GDPD1: variants seen among roughly 807,000 people sequenced by gnomAD.
GDPD1 encodes the protein glycerophosphodiester phosphodiesterase domain containing 1, also known as lysophospholipase D GDPD1.
GDPD1 carries 28 observed loss-of-function variants against 45.1 expected under a neutral mutation model. That is an observed-to-expected ratio of 0.62 (90% confidence interval 0.46 to 0.85). The LOEUF (loss-of-function observed/expected upper bound fraction) is 0.85. Ranked by LOEUF, GDPD1 falls within the 40% of genes least tolerant of loss-of-function variation. The pLI is 0.00. For missense variants in GDPD1, 256 were observed against 364.8 expected (o/e 0.70, Z 2.43); for synonymous variants, 139 against 131.4 (o/e 1.06, Z -0.40).
chr17:59,255,771 A>ATATATATATATATACGCGTATATATG (rs2047294946), intron 4 of GDPD1, among the ~76,000 whole-genome samples: 2 of 82,806 alleles, frequency 2.4e-5, no homozygotes, highest in East Asian at 3.1e-4. Flanking sequence ...AAATATATAT[A>ATATATATATATATACGCGTATATATG]TATATATATA....
At chr17:59,239,702 C>T (rs2047160682) in intron 2 of GDPD1, among the ~76,000 whole-genome samples, 1 of 150,988 alleles carries the variant, frequency 6.6e-6, no homozygotes, top group African/African-American at 2.4e-5. Flanking sequence ...CTAAAAATAG[C>T]CAGCATTTCA....
intron 6 of GDPD1, among the ~76,000 whole-genome samples, chr17:59,261,202 G>A (rs2047353023): frequency 6.6e-6 from 1 of 152,160 alleles, no homozygotes; most frequent in Non-Finnish European, 1.5e-5. Context: ...CTGACCTCAA[G>A]TGATCTGCCT....
chr17:59,262,561 G>A (rs2047364820), intron 6 of GDPD1, among the ~76,000 whole-genome samples: 1 of 152,084 alleles, frequency 6.6e-6, no homozygotes, highest in South Asian at 2.1e-4. Context: ...CTTAGGGTAG[G>A]GTAGAGAGTG....
In GDPD1 at chr17:59,234,591, T is replaced by G. The variant is rs188037593; in HGVS notation, c.185+57T>G. Reference sequence around the variant, plus strand: ...TTTCTTTTACAGTTTGCAGGCTTTCTTTAAAGTGATGATGATCCACAAAGT... The same window carrying G: ...TTTCTTTTACAGTTTGCAGGCTTTCGTTAAAGTGATGATGATCCACAAAGT... On this transcript the variant is annotated intron_variant, in intron 2 of 9. Coordinates refer to ENST00000284116, the MANE Select transcript of GDPD1 (RefSeq NM_182569.4). 336 of 1,102,364 alleles carry G rather than the reference T, an allele frequency of 3.0e-4. 3 individuals are homozygous for G. In the African/African-American group the frequency reaches 3.6e-3, roughly 12 times the overall value. The allele number at this position is 1,102,364 out of a possible 1,614,324, so 68.3% of individuals were successfully genotyped here.
At position 59,231,324 on chromosome 17, in the gene GDPD1, C is replaced by CTTT. The variant is rs557850341; in HGVS notation, c.143-3150_143-3148dup. Among the ~76,000 whole-genome samples the CTTT allele has an allele frequency of 6.3e-4, 72 of 114,382 alleles. 2 individuals carry two copies. Among genetic ancestry groups the CTTT allele is most frequent in the African/African-American group, 1.5e-3 (43 of 28,550 alleles). The allele number at this position is 114,382 out of a possible 152,430, so 75.0% of individuals were successfully genotyped here. On this transcript the variant is annotated intron_variant, in intron 1 of 9. Transcript: ENST00000284116. ...AAATATGAAAACATTTTCTTTCTTT[C>CTTT]TTTTTTTTTTTTTTTTTTTTGAGAC...
chr17:59,252,221 T>A (rs1289998231), intron 4 of GDPD1, among the ~76,000 whole-genome samples: 3 of 151,908 alleles, frequency 2.0e-5, no homozygotes, highest in Non-Finnish European at 2.9e-5. Flanking sequence ...CGAAACCCTG[T>A]CTGTACTAAA....
chr17:59,251,465 G>A (rs978448457), intron 4 of GDPD1, among the ~76,000 whole-genome samples: 8 of 151,540 alleles, frequency 5.3e-5, no homozygotes, highest in South Asian at 2.1e-4. Context: ...GTTGCAGTGA[G>A]CTGAGATCAC....
chr17:59,266,910 A>G, intron 6 of GDPD1, 131 bp from the exon 7 acceptor site: 1 of 742,584 alleles, frequency 1.3e-6, no homozygotes, highest in Non-Finnish European at 2.2e-6. Context: ...TTGCAAATGA[A>G]TATTCATAAT....
At chr17:59,225,910 T>A (rs1750108706) in intron 1 of GDPD1, among the ~76,000 whole-genome samples, 2 of 151,768 alleles carry the variant, frequency 1.3e-5, no homozygotes, top group Admixed American at 1.3e-4. Context: ...TTAGTAGAGA[T>A]GGGGTTCACC....
rs1176390251 is a variant in GDPD1 at position 59,268,578 on chromosome 17, C to CAAAA, written c.710+1425_710+1428dup. 1.0e-2 allele frequency among the ~76,000 whole-genome samples: 353 copies of CAAAA among 35,304 alleles called. 46 individuals are homozygous for CAAAA. The highest frequency in any genetic ancestry group is 0.019 in the African/African-American group (209 of 10,850). The allele number at this position is 35,304 out of a possible 152,430, so 23.2% of individuals were successfully genotyped here. On this transcript the variant is annotated intron_variant, in intron 7 of 9. Transcript: ENST00000284116. The stretch of plus-strand genomic sequence containing the variant: ...TGGGCGACAGAGCGAGACTCTGTCT[C>CAAAA]AAAAAAAAAAAAAAAAAAAAAAAAG...
intron 1 of GDPD1, 104 bp from the exon 2 acceptor site, chr17:59,234,385 CCCA>C: frequency 1.4e-6 from 1 of 694,720 alleles, no homozygotes; most frequent in Non-Finnish European, 2.4e-6. Flanking sequence ...AATGTCTACC[CCCA>C]AAAAAAAAAA....
At chr17:59,233,158 G>A (rs1358878290) in intron 1 of GDPD1, among the ~76,000 whole-genome samples, 6 of 152,280 alleles carry the variant, frequency 3.9e-5, no homozygotes, top group African/African-American at 1.2e-4. Context: ...GGAGGTTGCA[G>A]TGAGCCGAGA....
At chr17:59,256,091 G>T (rs530204613) in intron 4 of GDPD1, among the ~76,000 whole-genome samples, 1 of 151,664 alleles carries the variant, frequency 6.6e-6, no homozygotes, top group South Asian at 2.1e-4. Context: ...GGCCGAGGCG[G>T]GCAGATCACT....
chr17:59,255,823 A>G (rs1951204757), intron 4 of GDPD1, among the ~76,000 whole-genome samples: 2 of 73,186 alleles, frequency 2.7e-5, no homozygotes, highest in Non-Finnish European at 4.8e-5. Flanking sequence ...GCGTATATAT[A>G]TATACGCGTA....
At chr17:59,253,331 T>G (rs111873817) in intron 4 of GDPD1, among the ~76,000 whole-genome samples, 1 of 152,166 alleles carries the variant, frequency 6.6e-6, no homozygotes, top group African/African-American at 2.4e-5. Context: ...TTCCAAATGT[T>G]TTTCTACATT....
chr17:59,262,629 G>GTTTTTT lies in GDPD1; in HGVS notation c.577-4408_577-4403dup, dbSNP rs144444466. On this transcript the variant is annotated intron_variant, in intron 6 of 9. Transcript: ENST00000284116. Reference sequence around the variant, plus strand: ...TGAAACGGCTTTGTATCTTGGTTTTGTTTTTTTTTGTTTTTTTTTTTTGAG... The same window carrying GTTTTTT: ...TGAAACGGCTTTGTATCTTGGTTTTGTTTTTTTTTTTTTTTGTTTTTTTTTTTTGAG... Among the ~76,000 whole-genome samples the GTTTTTT allele has an allele frequency of 2.1e-4, 28 of 131,182 alleles. 1 individual carries two copies. The highest frequency in any genetic ancestry group is 5.6e-4 in the African/African-American group (21 of 37,498). The allele number at this position is 131,182 out of a possible 152,430, so 86.1% of individuals were successfully genotyped here. A position where few individuals can be genotyped will look rare whatever the true frequency, so the allele number is the denominator to read the frequency against.
At position 59,253,484 on chromosome 17, in the gene GDPD1, G is replaced by A. The variant is rs187801574; in HGVS notation, c.368-3638G>A. Among the ~76,000 whole-genome samples, 4 of 152,222 alleles carry A rather than the reference G, an allele frequency of 2.6e-5. No homozygotes were observed. The East Asian group carries it at 7.7e-4, about 29-fold the overall frequency. Reference sequence around the variant, plus strand: ...CTTCCAAAGTGCTGAGATTACAGGAGTGAGCCACTGCACCTGGCCTAATAT... The same window carrying A: ...CTTCCAAAGTGCTGAGATTACAGGAATGAGCCACTGCACCTGGCCTAATAT... On this transcript the variant is annotated intron_variant, in intron 4 of 9. Coordinates refer to ENST00000284116, the MANE Select transcript of GDPD1 (RefSeq NM_182569.4).
intron 6 of GDPD1, among the ~76,000 whole-genome samples, chr17:59,263,442 T>G (rs956886325): frequency 1.3e-5 from 2 of 151,660 alleles, no homozygotes; most frequent in African/African-American, 4.8e-5. Flanking sequence ...GCCAACATAC[T>G]ATATAATTGA....
Position 59,274,177 on chromosome 17 carries a change from T to G in GDPD1, c.*404T>G. 1 of 971,970 alleles carries G rather than the reference T, an allele frequency of 1.0e-6. No individual in the cohort carries two copies. The highest frequency in any genetic ancestry group is 1.2e-6 in the Non-Finnish European group (1 of 818,492). The allele number at this position is 971,970 out of a possible 1,614,324, so 60.2% of individuals were successfully genotyped here. ...ATCAAGATTTCTGTAGATGATGCAGTGTTCTATCATAAGTAATTCTGGAAT... is the reference window on the plus strand; with the variant it reads ...ATCAAGATTTCTGTAGATGATGCAGGGTTCTATCATAAGTAATTCTGGAAT... On this transcript the variant is annotated 3_prime_UTR_variant, in exon 10 of 10. Transcript: ENST00000284116.
Sources: allele counts gnomAD v4.1 joint callset (sites outside exome capture counted in the v4.1 genomes callset), GRCh38; gene constraint gnomAD v4.1.1; transcripts MANE v1.5; gene names NCBI Gene and HGNC (gene_info 2026-07-23, HGNC 2026-07-21).